Variants in HERC4 observed in about 807,000 individuals in gnomAD.
The protein encoded by HERC4 is probable E3 ubiquitin-protein ligase HERC4.
Under a neutral mutation model 124.3 loss-of-function variants are expected in HERC4, and 28 were observed. The observed-to-expected ratio is 0.23, with a 90% CI of 0.17 to 0.31. HERC4 has a LOEUF of 0.31. Among genes scored for constraint, HERC4 ranks in the 10% least tolerant of loss-of-function variants. The probability of loss-of-function intolerance (pLI) is 1.00; values close to 1 mark genes in which losing one functional copy is unlikely to be tolerated. For missense variants in HERC4, 713 were observed against 1,229.3 expected (o/e 0.58, Z 6.28); for synonymous variants, 407 against 421.5 (o/e 0.97, Z 0.42).
chr10:67,996,969 CAG>C (rs1286176826), intron 9 of HERC4, among the ~76,000 whole-genome samples: 1 of 150,888 alleles, frequency 6.6e-6, no homozygotes, highest in East Asian at 1.9e-4. Context: ...GCCTGGGTGA[CAG>C]AGCAAGACTC....
chr10:68,043,027 AG>A (rs2039846257), intron 4 of HERC4, among the ~76,000 whole-genome samples: 1 of 152,220 alleles, frequency 6.6e-6, no homozygotes, highest in Non-Finnish European at 1.5e-5. Context: ...ATTCTCTTTC[AG>A]GTCCCCATCC....
At chr10:68,038,048 C>A in intron 5 of HERC4, 45 bp downstream of exon 5, 1 of 1,057,474 alleles carries the variant, frequency 9.5e-7, no homozygotes, top group Non-Finnish European at 1.4e-6. Flanking sequence ...AAAAAAGTAT[C>A]AAGTAATAAA....
At chr10:67,998,846 C>T (rs901148902) in intron 9 of HERC4, among the ~76,000 whole-genome samples, 3 of 152,070 alleles carry the variant, frequency 2.0e-5, no homozygotes, top group Non-Finnish European at 4.4e-5. Flanking sequence ...TCAAGCGATT[C>T]TCCTGCCTCA....
intron 16 of HERC4, chr10:67,960,637 C>A (rs1214114620): frequency 6.3e-6 from 1 of 158,748 alleles, no homozygotes; most frequent in Non-Finnish European, 1.4e-5. Context: ...CCCACCTCAG[C>A]CTCCCAAAGT....
At chr10:67,975,630 G>A (rs1363235793) in intron 15 of HERC4, among the ~76,000 whole-genome samples, 3 of 152,116 alleles carry the variant, frequency 2.0e-5, no homozygotes, top group Admixed American at 6.6e-5. Flanking sequence ...GATTACAGGC[G>A]TGAGCCACCA....
At chr10:67,996,125 G>T in intron 9 of HERC4, 1 of 449,504 alleles carries the variant, frequency 2.2e-6, no homozygotes, top group South Asian at 1.6e-5. Flanking sequence ...GGACAACATG[G>T]CAAGACCTCG....
rs116493332 is a variant in HERC4 at position 67,943,866 on chromosome 10, T to C, written c.2338-2761A>G. ...GACAGGTCCCCACCTAATTATTCTA[T>C]GGATGGGGCCTGTAGAGTGGGAACA... On this transcript the variant is annotated intron_variant, in intron 19 of 24. Coordinates refer to ENST00000373700, the MANE Select transcript of HERC4 (RefSeq NM_015601.4). Among the ~76,000 whole-genome samples, 306 of 152,358 alleles carry C rather than the reference T, an allele frequency of 2.0e-3. 2 individuals carry two copies. The highest frequency in any genetic ancestry group is 7.0e-3 in the African/African-American group (292 of 41,586).
At chr10:67,939,266 A>G (rs1197778067) in intron 21 of HERC4, among the ~76,000 whole-genome samples, 1 of 152,204 alleles carries the variant, frequency 6.6e-6, no homozygotes, top group African/African-American at 2.4e-5. Flanking sequence ...GATGTCTTGT[A>G]TTTGTCAATA....
intron 8 of HERC4, among the ~76,000 whole-genome samples, chr10:68,014,932 A>T (rs2038172387): frequency 6.6e-6 from 1 of 152,200 alleles, no homozygotes; most frequent in Admixed American, 6.5e-5. Context: ...CAGGTCTTAG[A>T]TCTTGTCTCT....
intron 3 of HERC4, among the ~76,000 whole-genome samples, chr10:68,065,838 C>G (rs947099353): frequency 1.3e-5 from 2 of 152,178 alleles, no homozygotes; most frequent in Non-Finnish European, 2.9e-5. Context: ...CCAGTGACAA[C>G]AAGATCCTGT....
At chr10:68,042,086 G>A (rs929331066) in intron 4 of HERC4, among the ~76,000 whole-genome samples, 2 of 152,008 alleles carry the variant, frequency 1.3e-5, no homozygotes, top group African/African-American at 2.4e-5. Context: ...GTGCAATCTC[G>A]GCTCACTGCA....
chr10:67,924,316 A>T lies in HERC4; in HGVS notation c.2941+769T>A, dbSNP rs377101496. On this transcript the variant is annotated intron_variant, in intron 24 of 24. Transcript: ENST00000373700. ...ATTCATGTGTCACTTAACGATGATGATATGTTCTGAGAAATGCATCATTAG... is the reference window on the plus strand; with the variant it reads ...ATTCATGTGTCACTTAACGATGATGTTATGTTCTGAGAAATGCATCATTAG... 1.2e-4 allele frequency among the ~76,000 whole-genome samples: 19 copies of T among 152,292 alleles called. No homozygotes were observed. In the South Asian group the frequency reaches 3.7e-3, roughly 30 times the overall value.
chr10:67,930,600 T>C (rs2031689316), intron 23 of HERC4, among the ~76,000 whole-genome samples: 1 of 152,192 alleles, frequency 6.6e-6, no homozygotes, highest in African/African-American at 2.4e-5. Flanking sequence ...GAGTGGTAAG[T>C]GCTGCTCTGT....
At chr10:67,956,548 T>A (rs1194142950) in intron 17 of HERC4, 1 of 165,544 alleles carries the variant, frequency 6.0e-6, no homozygotes, top group Non-Finnish European at 1.3e-5. Flanking sequence ...AGGGGACATA[T>A]AATGAAACAA....
chr10:67,995,636 C>T (rs1056606059), intron 9 of HERC4, among the ~76,000 whole-genome samples: 1 of 150,682 alleles, frequency 6.6e-6, no homozygotes, highest in Non-Finnish European at 1.5e-5. Flanking sequence ...GTTGTAATTG[C>T]TACAAATATT....
rs574249262 is a variant in HERC4 at position 67,964,006 on chromosome 10, G to T, written c.1926+2677C>A. ...AAGCTTTACCTAGGTCAGAGATGAAGAAAAAAGGAAATATTTATTCAAAAC... is the reference window on the plus strand; with the variant it reads ...AAGCTTTACCTAGGTCAGAGATGAATAAAAAAGGAAATATTTATTCAAAAC... On this transcript the variant is annotated intron_variant, in intron 16 of 24. Transcript: ENST00000373700. 3.2e-5 allele frequency among the ~76,000 whole-genome samples: 4 copies of T among 126,780 alleles called. No individual in the cohort carries two copies. In the East Asian group the frequency reaches 8.2e-4, roughly 26 times the overall value. The allele number at this position is 126,780 out of a possible 152,430, so 83.2% of individuals were successfully genotyped here.
At chr10:67,929,739 TCCTGGGTTCAAA>T (rs2031570745) in intron 23 of HERC4, among the ~76,000 whole-genome samples, 1 of 152,068 alleles carries the variant, frequency 6.6e-6, no homozygotes, top group Admixed American at 6.5e-5. Flanking sequence ...GGTCTTGAAC[TCCTGGGTTCAAA>T]CTATCTGCCA....
At position 68,059,792 on chromosome 10, in the gene HERC4, T is replaced by G. The variant is rs1428976706; in HGVS notation, c.226+13091A>C. Among the ~76,000 whole-genome samples the G allele has an allele frequency of 1.2e-3, 105 of 90,876 alleles. 4 individuals carry two copies. Among genetic ancestry groups the G allele is most frequent in the Non-Finnish European group, 1.7e-3 (95 of 55,414 alleles). 59.6% of individuals were successfully genotyped at this position (90,876 alleles called of 152,430 possible). ...ATATTATATATTATAATATTATATA[T>G]CATAATATTATATATTATAATATTA... is the stretch of plus-strand genomic sequence containing the variant. On this transcript the variant is annotated intron_variant, in intron 3 of 24. Coordinates refer to ENST00000373700, the MANE Select transcript of HERC4 (RefSeq NM_015601.4).
chr10:67,984,880 C>T (rs1589250156), intron 15 of HERC4, among the ~76,000 whole-genome samples: 2 of 152,194 alleles, frequency 1.3e-5, no homozygotes, highest in Middle Eastern at 6.8e-3. Flanking sequence ...TGAACCACCG[C>T]ACCCGGCCAA....
Sources: allele counts gnomAD v4.1 joint callset (sites outside exome capture counted in the v4.1 genomes callset), GRCh38; gene constraint gnomAD v4.1.1; transcripts MANE v1.5; gene names NCBI Gene and HGNC (gene_info 2026-07-23, HGNC 2026-07-21).